PCDH9: variants seen among roughly 807,000 people sequenced by gnomAD.
The protein encoded by PCDH9 is protocadherin 9, also known as protocadherin-9.
A neutral mutation model predicts 70.6 loss-of-function variants in PCDH9; 24 were observed. That is an observed-to-expected ratio of 0.34 (90% CI 0.25 to 0.48). The LOEUF is 0.48. Among genes scored for constraint, PCDH9 ranks in the 20% least tolerant of loss-of-function variants. The probability of loss-of-function intolerance (pLI) is 0.99; values close to 1 mark genes in which losing one functional copy is unlikely to be tolerated. For synonymous variants in PCDH9, 562 were observed against 558.5 expected, an observed-to-expected ratio of 1.01 and a Z score of -0.09; for missense variants, 1,281 against 1,503.6, an observed-to-expected ratio of 0.85 and a Z score of 2.45.
intron 4 of PCDH9, among the ~76,000 whole-genome samples, chr13:66,585,800 T>A (rs767026228): frequency 1.3e-5 from 2 of 152,118 alleles, no homozygotes; most frequent in African/African-American, 4.8e-5. Context: ...TTGGACTGTA[T>A]TGCGGTGTGC....
intron 4 of PCDH9, among the ~76,000 whole-genome samples, chr13:66,538,122 A>G (rs1279496369): frequency 6.6e-6 from 1 of 152,126 alleles, no homozygotes. Context: ...GTGTTCAGAC[A>G]ATACAAATGT....
intron 3 of PCDH9, among the ~76,000 whole-genome samples, chr13:66,769,520 C>G (rs561749446): frequency 1.3e-5 from 2 of 149,996 alleles, no homozygotes; most frequent in Non-Finnish European, 3.0e-5. Flanking sequence ...CTAGGTTTTT[C>G]GGAGCCACTT....
chr13:66,938,392 CTATT>C (rs1465859401), intron 2 of PCDH9, among the ~76,000 whole-genome samples: 1 of 152,156 alleles, frequency 6.6e-6, no homozygotes, highest in Non-Finnish European at 1.5e-5. Flanking sequence ...ATGCAATACT[CTATT>C]AATTTAGCTG....
At chr13:66,832,232 T>C (rs572469745) in intron 3 of PCDH9, among the ~76,000 whole-genome samples, 13 of 152,150 alleles carry the variant, frequency 8.5e-5, no homozygotes, top group African/African-American at 3.1e-4. Context: ...AACTGGAATT[T>C]ATAATAAATG....
intron 3 of PCDH9, among the ~76,000 whole-genome samples, chr13:66,787,574 C>G (rs1336648497): frequency 6.6e-6 from 1 of 151,854 alleles, no homozygotes; most frequent in Non-Finnish European, 1.5e-5. Flanking sequence ...TGAGATCACA[C>G]CACTGCACTC....
At position 66,709,030 on chromosome 13, in the gene PCDH9, A is replaced by T. The variant is rs7981359; in HGVS notation, c.3139-77619T>A. 7.5e-3 allele frequency among the ~76,000 whole-genome samples: 1,138 copies of T among 152,304 alleles called. 22 individuals are homozygous for T. The highest frequency in any genetic ancestry group is 0.026 in the African/African-American group (1,090 of 41,558). On this transcript the variant is annotated intron_variant, in intron 3 of 4. Transcript: ENST00000377865. ...GGGACAAGATCAGAATTGAGATTGA[A>T]AGCTTTAGCCATAAGATAGTCTTCA...
intron 3 of PCDH9, among the ~76,000 whole-genome samples, chr13:66,651,989 G>A (rs1470611036): frequency 6.6e-6 from 1 of 151,970 alleles, no homozygotes; most frequent in Non-Finnish European, 1.5e-5. Context: ...TCAAAAAACT[G>A]GGTAGAGAAA....
intron 2 of PCDH9, among the ~76,000 whole-genome samples, chr13:66,958,127 G>T (rs1043677646): frequency 5.3e-5 from 8 of 152,166 alleles, no homozygotes; most frequent in Non-Finnish European, 1.0e-4. Context: ...TTTGAGGGCA[G>T]AAGAAATGAA....
intron 3 of PCDH9, among the ~76,000 whole-genome samples, chr13:66,663,979 G>A (rs576531867): frequency 2.4e-4 from 37 of 152,230 alleles, no homozygotes; most frequent in Non-Finnish European, 2.9e-5. Context: ...ATGGAGCTTG[G>A]AGCAAGATAA....
At chr13:67,157,204 A>G (rs551165700) in intron 2 of PCDH9, among the ~76,000 whole-genome samples, 7 of 152,312 alleles carry the variant, frequency 4.6e-5, no homozygotes, top group African/African-American at 1.7e-4. Context: ...TCTTAACTGT[A>G]TCACATAACT....
intron 3 of PCDH9, among the ~76,000 whole-genome samples, chr13:66,740,672 C>T (rs1443122477): frequency 2.0e-5 from 3 of 151,322 alleles, no homozygotes. Context: ...ACCACTGATC[C>T]CACAGAAATA....
At chr13:66,950,402 A>G (rs184502591) in intron 2 of PCDH9, among the ~76,000 whole-genome samples, 1 of 152,250 alleles carries the variant, frequency 6.6e-6, no homozygotes, top group Non-Finnish European at 1.5e-5. Context: ...ATGCTATGCC[A>G]TGCAGGAATC....
At chr13:66,772,803 G>A (rs1386249236) in intron 3 of PCDH9, among the ~76,000 whole-genome samples, 2 of 151,830 alleles carry the variant, frequency 1.3e-5, no homozygotes, top group Non-Finnish European at 2.9e-5. Flanking sequence ...GCATTACAAA[G>A]CATACCAATG....
At position 67,182,253 on chromosome 13, in the gene PCDH9, C is replaced by T. The variant is rs926500123; in HGVS notation, c.3036+43152G>A. ...TAAAACAGGACTCTCAGTTTTTCAC[C>T]TGAATATGTTCCAGACCTAAATTTC... On this transcript the variant is annotated intron_variant, in intron 2 of 4. Transcript: ENST00000377865. 1.3e-5 allele frequency among the ~76,000 whole-genome samples: 2 copies of T among 152,128 alleles called. 1 individual carries two copies. The highest frequency in any genetic ancestry group is 4.1e-4 in the South Asian group (2 of 4,832).
At chr13:66,627,422 G>A (rs1038892583) in intron 4 of PCDH9, among the ~76,000 whole-genome samples, 15 of 152,198 alleles carry the variant, frequency 9.9e-5, no homozygotes, top group Non-Finnish European at 2.9e-5. Context: ...AAAATTTAAA[G>A]GTAATATGTA....
intron 4 of PCDH9, among the ~76,000 whole-genome samples, chr13:66,305,432 T>C: frequency 6.6e-6 from 1 of 151,892 alleles, no homozygotes; most frequent in East Asian, 1.9e-4. Context: ...AGTAGAACAA[T>C]TTGTATGTGT....
chr13:66,324,332 G>C (rs1223738356), intron 4 of PCDH9, among the ~76,000 whole-genome samples: 1 of 151,904 alleles, frequency 6.6e-6, no homozygotes, highest in Non-Finnish European at 1.5e-5. Flanking sequence ...GACAAAACCA[G>C]GTGTTTTTGA....
intron 2 of PCDH9, among the ~76,000 whole-genome samples, chr13:66,985,051 G>A (rs777118545): frequency 1.6e-4 from 24 of 152,056 alleles, no homozygotes; most frequent in Non-Finnish European, 2.8e-4. Flanking sequence ...TTGCTTGCCT[G>A]GATCATTTGG....
intron 3 of PCDH9, among the ~76,000 whole-genome samples, chr13:66,806,902 C>G (rs951485425): frequency 1.3e-5 from 2 of 152,058 alleles, no homozygotes; most frequent in Non-Finnish European, 2.9e-5. Context: ...CCATTTGTAT[C>G]CATTTATGAT....
Sources: allele counts gnomAD v4.1 joint callset (sites outside exome capture counted in the v4.1 genomes callset), GRCh38; gene constraint gnomAD v4.1.1; transcripts MANE v1.5; gene names NCBI Gene and HGNC (gene_info 2026-07-23, HGNC 2026-07-21).